SLC35F4: variants seen among roughly 807,000 people sequenced by gnomAD.
The protein encoded by SLC35F4 is solute carrier family 35 member F4.
In SLC35F4, 24 loss-of-function variants were observed where a neutral mutation model predicts 44.2. The observed-to-expected ratio is 0.54, with a 90% CI of 0.39 to 0.76. The LOEUF is 0.76. Ranked by LOEUF, SLC35F4 falls within the 30% of genes least tolerant of loss-of-function variation. SLC35F4 has a pLI of 0.00. For missense variants in SLC35F4, 562 were observed against 586.1 expected (o/e 0.96, Z 0.42); for synonymous variants, 238 against 223.6 (o/e 1.06, Z -0.57).
intron 1 of SLC35F4, among the ~76,000 whole-genome samples, chr14:57,795,728 A>G (rs1595083481): frequency 6.6e-6 from 1 of 152,234 alleles, no homozygotes; most frequent in East Asian, 1.9e-4. Flanking sequence ...ATATTCTAGT[A>G]TAAAAATATT....
chr14:57,902,887 CT>C (rs1889034816), intron 1 of SLC35F4, among the ~76,000 whole-genome samples: 1 of 152,172 alleles, frequency 6.6e-6, no homozygotes, highest in African/African-American at 2.4e-5. Flanking sequence ...TTCAAGTCTT[CT>C]TAAATGGGAC....
chr14:57,719,245 A>G (rs1342448655), intron 1 of SLC35F4, among the ~76,000 whole-genome samples: 1 of 152,112 alleles, frequency 6.6e-6, no homozygotes, highest in Non-Finnish European at 1.5e-5. Flanking sequence ...ATATCTCTGT[A>G]GTGTAATTTG....
intron 1 of SLC35F4, among the ~76,000 whole-genome samples, chr14:57,650,603 C>T (rs2073744925): frequency 6.6e-6 from 1 of 152,118 alleles, no homozygotes; most frequent in Non-Finnish European, 1.5e-5. Flanking sequence ...GCCTCCAGAC[C>T]CTCTTTTCAC....
At chr14:57,649,410 C>G (rs143383548) in intron 1 of SLC35F4, among the ~76,000 whole-genome samples, 3,477 of 152,206 alleles carry the variant, frequency 0.023, 68 homozygotes, top group South Asian at 0.077. Context: ...TCATGATCCC[C>G]TATCACCCCT....
intron 1 of SLC35F4, among the ~76,000 whole-genome samples, chr14:57,686,839 C>T (rs1427626214): frequency 6.6e-6 from 1 of 151,950 alleles, no homozygotes; most frequent in Non-Finnish European, 1.5e-5. Context: ...TATTTTCTTT[C>T]TAGGTTTGTT....
intron 1 of SLC35F4, among the ~76,000 whole-genome samples, chr14:57,850,823 T>C (rs1886491790): frequency 6.6e-6 from 1 of 152,210 alleles, no homozygotes; most frequent in Non-Finnish European, 1.5e-5. Flanking sequence ...ACCTTAACAT[T>C]GAAACGGATT....
At chr14:57,790,518 C>T (rs1206003834) in intron 1 of SLC35F4, among the ~76,000 whole-genome samples, 2 of 152,238 alleles carry the variant, frequency 1.3e-5, no homozygotes, top group East Asian at 3.9e-4. Flanking sequence ...ATTTCATGCT[C>T]GTGGATGGGA....
chr14:57,667,384 A>T (rs1285478852), intron 1 of SLC35F4, among the ~76,000 whole-genome samples: 3 of 100,590 alleles, frequency 3.0e-5, no homozygotes, highest in East Asian at 3.0e-4. Flanking sequence ...CATGTGCACA[A>T]CGTGCAGGTT....
intron 1 of SLC35F4, among the ~76,000 whole-genome samples, chr14:57,644,079 CG>C (rs894101498): frequency 7.2e-5 from 11 of 152,148 alleles, no homozygotes; most frequent in African/African-American, 2.2e-4. Context: ...AATAAACATA[CG>C]TGTGCATGTG....
intron 1 of SLC35F4, among the ~76,000 whole-genome samples, chr14:57,721,962 A>C (rs545375991): frequency 1.4e-5 from 2 of 146,192 alleles, no homozygotes; most frequent in East Asian, 4.0e-4. Flanking sequence ...CACCCCCAAC[A>C]CTCCTGTTTT....
chr14:57,697,063 G>A (rs2075404819), intron 1 of SLC35F4, among the ~76,000 whole-genome samples: 1 of 152,096 alleles, frequency 6.6e-6, no homozygotes, highest in African/African-American at 2.4e-5. Flanking sequence ...TTCTGCTCAT[G>A]TATCCCAGAA....
At chr14:57,896,964 C>A (rs981593549) in intron 1 of SLC35F4, among the ~76,000 whole-genome samples, 3 of 152,130 alleles carry the variant, frequency 2.0e-5, no homozygotes, top group African/African-American at 7.2e-5. Flanking sequence ...CCCTGTTAAA[C>A]CCTGCTCTTC....
chr14:57,611,079 G>C (rs907788482), intron 1 of SLC35F4, among the ~76,000 whole-genome samples: 2 of 152,204 alleles, frequency 1.3e-5, no homozygotes, highest in Non-Finnish European at 2.9e-5. Flanking sequence ...GGACTTAAAG[G>C]CTGAGGCATA....
intron 1 of SLC35F4, among the ~76,000 whole-genome samples, chr14:57,614,017 T>C (rs1427712641): frequency 6.6e-6 from 1 of 152,212 alleles, no homozygotes; most frequent in Non-Finnish European, 1.5e-5. Context: ...TTACTTAAAC[T>C]CAGGGCATAT....
chr14:57,671,764 C>A (rs146717481), intron 1 of SLC35F4, among the ~76,000 whole-genome samples: 1 of 152,076 alleles, frequency 6.6e-6, no homozygotes, highest in African/African-American at 2.4e-5. Flanking sequence ...CCCAGTGCCC[C>A]CAGCTAGTAG....
chr14:57,965,944 G>A (rs748350040), intron 1 of SLC35F4, among the ~76,000 whole-genome samples: 17 of 152,104 alleles, frequency 1.1e-4, no homozygotes, highest in African/African-American at 1.7e-4. Context: ...CTGGGCCAAC[G>A]AAAAGGACAG....
chr14:57,627,169 A>G (rs1199305643), intron 1 of SLC35F4, among the ~76,000 whole-genome samples: 1 of 152,152 alleles, frequency 6.6e-6, no homozygotes, highest in Non-Finnish European at 1.5e-5. Flanking sequence ...GTAATGGAGG[A>G]CTTCAGATCC....
intron 1 of SLC35F4, among the ~76,000 whole-genome samples, chr14:57,660,523 T>G (rs1555367940): frequency 9.0e-5 from 13 of 144,812 alleles, no homozygotes; most frequent in Non-Finnish European, 1.5e-5. Flanking sequence ...CCTTGTGTGG[T>G]CACATGGGGA....
intron 1 of SLC35F4, among the ~76,000 whole-genome samples, chr14:57,940,107 C>T (rs1490079356): frequency 6.6e-6 from 1 of 152,160 alleles, no homozygotes; most frequent in Admixed American, 6.5e-5. Context: ...CTCAGCAAGG[C>T]TCTCATTTTC....
Sources: gnomAD v4.1 joint callset for allele counts (sites outside exome capture counted in the v4.1 genomes callset) on GRCh38, gnomAD v4.1.1 for gene constraint, MANE v1.5 for transcripts, NCBI Gene and HGNC (gene_info 2026-07-23, HGNC 2026-07-21) for gene names.